Variants in SGCZ observed in about 807,000 individuals in gnomAD.
SGCZ encodes the protein zeta-sarcoglycan.
Under a neutral mutation model 41.3 loss-of-function variants are expected in SGCZ, and 40 were observed. The ratio of observed to expected loss-of-function variants is 0.97; its 90% CI spans 0.75 to 1.26. SGCZ has a LOEUF of 1.26. Among genes scored for constraint, SGCZ ranks in the 50% most tolerant of loss-of-function variants. The pLI is 0.00. For synonymous variants in SGCZ, 206 were observed against 137.5 expected (o/e 1.50, Z -3.49); for missense variants, 552 against 369.8 (o/e 1.49, Z -4.04).
intron 1 of SGCZ, among the ~76,000 whole-genome samples, chr8:14,776,518 C>CTTTTTTTTTTTTTTTTTT: frequency 8.6e-6 from 1 of 116,634 alleles, no homozygotes; most frequent in Non-Finnish European, 1.7e-5. Flanking sequence ...TTTTCTTTTT[C>CTTTTTTTTTTTTTTTTTT]TTTTTTTTTT....
At chr8:14,954,571 C>A (rs2130841737) in intron 1 of SGCZ, among the ~76,000 whole-genome samples, 1 of 152,274 alleles carries the variant, frequency 6.6e-6, no homozygotes, top group Non-Finnish European at 1.5e-5. Flanking sequence ...CTCTCTTTAT[C>A]AATGTACTCC....
At chr8:14,324,801 G>GTGCTA (rs1195729456) in intron 2 of SGCZ, among the ~76,000 whole-genome samples, 1 of 152,112 alleles carries the variant, frequency 6.6e-6, no homozygotes, top group Non-Finnish European at 1.5e-5. Context: ...ACTAAACAGA[G>GTGCTA]TGCTACTGGG....
intron 2 of SGCZ, among the ~76,000 whole-genome samples, chr8:14,366,966 G>A (rs572681337): frequency 1.3e-5 from 2 of 152,208 alleles, no homozygotes; most frequent in South Asian, 2.1e-4. Context: ...CATTACTTAT[G>A]CAAATTTCCA....
chr8:14,866,113 A>G (rs1281885615), intron 1 of SGCZ, among the ~76,000 whole-genome samples: 2 of 152,228 alleles, frequency 1.3e-5, no homozygotes, highest in Non-Finnish European at 2.9e-5. Flanking sequence ...TTCACAGGTA[A>G]CATATTAATA....
At chr8:15,202,634 C>A (rs1800925579) in intron 1 of SGCZ, among the ~76,000 whole-genome samples, 2 of 151,284 alleles carry the variant, frequency 1.3e-5, no homozygotes. Flanking sequence ...AACCTGTTCC[C>A]CAAAAACCTA....
chr8:14,933,517 C>T (rs1195969112), intron 1 of SGCZ, among the ~76,000 whole-genome samples: 2 of 150,954 alleles, frequency 1.3e-5, no homozygotes, highest in East Asian at 1.9e-4. Flanking sequence ...CTGCAAGCTC[C>T]GCCTCCCGCG....
intron 1 of SGCZ, among the ~76,000 whole-genome samples, chr8:15,166,530 G>A (rs528612255): frequency 3.3e-5 from 5 of 152,118 alleles, no homozygotes; most frequent in African/African-American, 7.2e-5. Flanking sequence ...TTACAGGTGT[G>A]AGCCACCACG....
intron 4 of SGCZ, among the ~76,000 whole-genome samples, chr8:14,177,434 C>T (rs1027385737): frequency 1.8e-4 from 27 of 152,292 alleles, no homozygotes; most frequent in African/African-American, 6.0e-4. Flanking sequence ...AACAAATCAG[C>T]GCTCAAACGG....
intron 2 of SGCZ, among the ~76,000 whole-genome samples, chr8:14,336,206 G>C (rs904757749): frequency 2.0e-5 from 3 of 152,022 alleles, no homozygotes; most frequent in African/African-American, 7.3e-5. Flanking sequence ...TAAGGATAAT[G>C]GCCTCTAGTT....
chr8:14,803,563 G>C lies in SGCZ; in HGVS notation c.40-248637C>G, dbSNP rs544964541. The stretch of plus-strand genomic sequence containing the variant: ...CACCACGAGATTATATCCCGCACCC[G>C]GCTCAGAGGGTCTGACGCCCAGGGA... On this transcript the variant is annotated intron_variant, in intron 1 of 7. Transcript: ENST00000382080. 5.9e-5 allele frequency among the ~76,000 whole-genome samples: 9 copies of C among 152,240 alleles called. No individual in the cohort carries two copies. In the East Asian group the frequency reaches 1.7e-3, roughly 30 times the overall value.
At chr8:14,984,547 C>T (rs986234831) in intron 1 of SGCZ, among the ~76,000 whole-genome samples, 3 of 151,652 alleles carry the variant, frequency 2.0e-5, no homozygotes, top group African/African-American at 4.8e-5. Flanking sequence ...ATAAAGCGTG[C>T]TATAGTCTGG....
chr8:14,150,453 A>G (rs1158369972), intron 5 of SGCZ, among the ~76,000 whole-genome samples: 1 of 152,174 alleles, frequency 6.6e-6, no homozygotes, highest in Non-Finnish European at 1.5e-5. Flanking sequence ...AGAAAAGCAA[A>G]TCAAATCTAC....
Position 14,866,704 on chromosome 8 carries a change from A to G in SGCZ, c.40-311778T>C, listed in dbSNP as rs999305309. Reference sequence around the variant, plus strand: ...GCATGCTTCTAGTCTCAGCAACTCTAGAGGTTGAGGTGGGAGGATAGCCTG... The same window carrying G: ...GCATGCTTCTAGTCTCAGCAACTCTGGAGGTTGAGGTGGGAGGATAGCCTG... On this transcript the variant is annotated intron_variant, in intron 1 of 7. Transcript: ENST00000382080. Among the ~76,000 whole-genome samples the G allele has an allele frequency of 2.6e-5, 4 of 152,076 alleles. No homozygotes were observed. In the East Asian group the frequency reaches 7.7e-4, roughly 29 times the overall value.
intron 1 of SGCZ, among the ~76,000 whole-genome samples, chr8:14,868,904 C>T (rs765365062): frequency 6.6e-6 from 1 of 152,012 alleles, no homozygotes; most frequent in Non-Finnish European, 1.5e-5. Context: ...AGCTGGATCC[C>T]AGAATAGACC....
At chr8:15,143,180 G>GA (rs1157597057) in intron 1 of SGCZ, among the ~76,000 whole-genome samples, 1 of 152,138 alleles carries the variant, frequency 6.6e-6, no homozygotes, top group Non-Finnish European at 1.5e-5. Flanking sequence ...TTAGAAATAA[G>GA]AAAAAATTTC....
chr8:14,456,921 C>T (rs1323220923), intron 2 of SGCZ, among the ~76,000 whole-genome samples: 1 of 152,110 alleles, frequency 6.6e-6, no homozygotes, highest in Admixed American at 6.6e-5. Context: ...CTTGCTTTTT[C>T]AGTGTCACAT....
chr8:14,985,147 A>G (rs1042089212), intron 1 of SGCZ, among the ~76,000 whole-genome samples: 3 of 152,192 alleles, frequency 2.0e-5, no homozygotes, highest in Non-Finnish European at 4.4e-5. Context: ...AAATGAATAC[A>G]TTTGGATGCT....
intron 2 of SGCZ, among the ~76,000 whole-genome samples, chr8:14,418,776 C>T (rs1329275000): frequency 6.6e-6 from 1 of 151,800 alleles, no homozygotes; most frequent in Non-Finnish European, 1.5e-5. Flanking sequence ...CATTCTTTTC[C>T]ACTGATGGTT....
At chr8:14,907,589 C>A (rs565074297) in intron 1 of SGCZ, among the ~76,000 whole-genome samples, 1 of 152,214 alleles carries the variant, frequency 6.6e-6, no homozygotes, top group East Asian at 1.9e-4. Context: ...CAACAGTGAT[C>A]CCAGCACTTT....
Sources: gnomAD v4.1 joint callset for allele counts (sites outside exome capture counted in the v4.1 genomes callset) on GRCh38, gnomAD v4.1.1 for gene constraint, MANE v1.5 for transcripts, NCBI Gene and HGNC (gene_info 2026-07-23, HGNC 2026-07-21) for gene names.